Variants in ECI2 observed in about 807,000 individuals in gnomAD.
The protein encoded by ECI2 is D3,D2-enoyl-CoA isomerase.
ECI2 carries 27 observed loss-of-function variants against 38.4 expected under a neutral mutation model. The ratio of observed to expected loss-of-function variants is 0.70; its 90% CI spans 0.52 to 0.97. The LOEUF is 0.97. Among genes scored for constraint, ECI2 ranks in the 50% least tolerant of loss-of-function variants. The pLI is 0.00. For synonymous variants in ECI2, 168 were observed against 172.0 expected (o/e 0.98, Z 0.18); for missense variants, 470 against 474.4 (o/e 0.99, Z 0.09).
Position 4,126,115 on chromosome 6 carries a change from C to A in ECI2, c.674+20G>T. 2 of 1,602,672 alleles carry A rather than the reference C, an allele frequency of 1.2e-6. No homozygotes were observed. Among genetic ancestry groups the A allele is most frequent in the Non-Finnish European group, 1.7e-6 (2 of 1,171,456 alleles). On this transcript the variant is annotated intron_variant, in intron 6 of 9. Transcript: ENST00000380118. Reference sequence around the variant, plus strand: ...TAAGAACGGGCCCTCTGGGATCAGACAAAGGTCAGTAACTCTTACCTCAGT... The same window carrying A: ...TAAGAACGGGCCCTCTGGGATCAGAAAAAGGTCAGTAACTCTTACCTCAGT...
chr6:4,130,611 T>C, intron 3 of ECI2, 51 bp from the exon 4 acceptor site: 3 of 1,613,534 alleles, frequency 1.9e-6, no homozygotes, highest in East Asian at 2.2e-5. Flanking sequence ...GAATAAGCAC[T>C]TTGAGAAAGT....
At chr6:4,123,576 G>T (rs2113982893) in intron 7 of ECI2, among the ~76,000 whole-genome samples, 2 of 149,682 alleles carry the variant, frequency 1.3e-5, no homozygotes, top group African/African-American at 4.9e-5. Context: ...AATATATATA[G>T]AATAGATATG....
chr6:4,119,319 ATTT>A (rs34320283), intron 7 of ECI2, 44 bp from the exon 8 acceptor site: 41,174 of 1,157,492 alleles, frequency 0.036, 2 homozygotes, highest in East Asian at 0.041. Context: ...TTCATGTGTG[ATTT>A]TTTTTTTTTT....
chr6:4,130,991 T>G, intron 2 of ECI2, 126 bp from the exon 3 acceptor site: 1 of 822,520 alleles, frequency 1.2e-6, no homozygotes, highest in South Asian at 2.1e-5. Flanking sequence ...GTATGTAAAT[T>G]GATCTGAATT....
At chr6:4,127,726 A>G (rs1247546123) in intron 5 of ECI2, 36 bp downstream of exon 5, 4 of 1,598,824 alleles carry the variant, frequency 2.5e-6, no homozygotes, top group East Asian at 2.2e-5. Flanking sequence ...CCCTCAAAAT[A>G]GAAATTTAAT....
In ECI2 at chr6:4,126,178, CA is replaced by C. The variant is rs750276881; in HGVS notation, c.630del (p.Gly211ValfsTer3). On this transcript the variant is annotated frameshift_variant, in exon 6 of 10. Transcript: ENST00000380118. LOFTEE classifies it high-confidence loss of function. ...TTTTTAGCTTTCTCCTCTACTCCAC[CA>C]GGGGGAATATCAGTGAAGTTAGTCA... Reference protein sequence around the residue: ...NDLTNFTDIPPGGVEEKAKNN... With the variant: ...NDLTNFTDIPXGGVEEKAKNN... 1.8e-5 allele frequency: 29 copies of C among 1,613,830 alleles called. No homozygotes were observed. The East Asian group carries it at 5.3e-4, about 30-fold the overall frequency.
intron 2 of ECI2, among the ~76,000 whole-genome samples, chr6:4,132,071 C>T (rs967333479): frequency 6.6e-6 from 1 of 152,060 alleles, no homozygotes; most frequent in African/African-American, 2.4e-5. Context: ...CCAGGACCAC[C>T]CTCAAGTGCA....
chr6:4,125,206 T>G (rs756881420), intron 7 of ECI2, 44 bp downstream of exon 7: 12 of 1,607,048 alleles, frequency 7.5e-6, no homozygotes, highest in Non-Finnish European at 1.0e-5. Flanking sequence ...GGCTCTCATC[T>G]CGCGCTGCTT....
At position 4,126,179 on chromosome 6, in the gene ECI2, A is replaced by G. The variant is rs1561655256; in HGVS notation, c.630T>C (p.Pro210=). ...NDLTNFTDIP[P]GGVEEKAKNN... is the part of the protein sequence containing the mutation. ...TTTTAGCTTTCTCCTCTACTCCACC[A>G]GGGGGAATATCAGTGAAGTTAGTCA... is the stretch of plus-strand genomic sequence containing the variant. Residue 210 remains proline, a synonymous_variant, in exon 6 of 10, where the codon CCT becomes CCC. Coordinates refer to ENST00000380118, the MANE Select transcript of ECI2 (RefSeq NM_206836.3). 6.2e-7 allele frequency: 1 copy of G among 1,613,928 alleles called. No individual in the cohort carries two copies. Among genetic ancestry groups the G allele is most frequent in the Admixed American group, 1.7e-5 (1 of 60,014 alleles).
At chr6:4,128,800 T>C (rs1581989598) in intron 4 of ECI2, among the ~76,000 whole-genome samples, 1 of 152,210 alleles carries the variant, frequency 6.6e-6, no homozygotes, top group African/African-American at 2.4e-5. Context: ...ATAGAGGTTA[T>C]ATGCAAATAT....
At chr6:4,130,228 G>C (rs754820976) in intron 4 of ECI2, 144 bp downstream of exon 4, 1 of 1,612,292 alleles carries the variant, frequency 6.2e-7, no homozygotes, top group East Asian at 2.2e-5. Context: ...GTTGTATGAA[G>C]TAGCCACAAT....
intron 7 of ECI2, among the ~76,000 whole-genome samples, chr6:4,121,570 A>G (rs1300141223): frequency 6.6e-6 from 1 of 152,096 alleles, no homozygotes; most frequent in East Asian, 1.9e-4. Flanking sequence ...CTTTTGTTAC[A>G]TGAGTTGAAA....
chr6:4,134,669 T>G (rs1773644990), intron 1 of ECI2, among the ~76,000 whole-genome samples: 1 of 152,206 alleles, frequency 6.6e-6, no homozygotes, highest in Admixed American at 6.5e-5. Flanking sequence ...AGTAACTGAT[T>G]CAGTAAGATC....
rs1773062129 is a variant in ECI2, at chr6:4,125,185, G to A, written c.795+65C>T. The A allele has an allele frequency of 3.1e-6, 5 of 1,589,444 alleles. 1 individual carries two copies. The highest frequency in any genetic ancestry group is 3.4e-6 in the Non-Finnish European group (4 of 1,165,036). On this transcript the variant is annotated intron_variant, in intron 7 of 9. Coordinates refer to ENST00000380118, the MANE Select transcript of ECI2 (RefSeq NM_206836.3). ...CTGCTTATGACTGGCAACGCTGAAG[G>A]AGGATTCAAAGGCTCTCATCTCGCG...
At chr6:4,126,336 T>C (rs549952242) in intron 5 of ECI2, 99 bp from the exon 6 acceptor site, 182 of 996,716 alleles carry the variant, frequency 1.8e-4, no homozygotes, top group Non-Finnish European at 2.5e-4. Flanking sequence ...GGGAAATACA[T>C]TGGAGAACGA....
chr6:4,125,171 T>C (rs1773060624), intron 7 of ECI2, 79 bp downstream of exon 7: 4 of 1,575,052 alleles, frequency 2.5e-6, no homozygotes, highest in Non-Finnish European at 3.5e-6. Context: ...TGCTTATGAC[T>C]GGCAACGCTG....
chr6:4,122,222 T>C (rs1210012114), intron 7 of ECI2, among the ~76,000 whole-genome samples: 4 of 142,340 alleles, frequency 2.8e-5, no homozygotes, highest in African/African-American at 1.0e-4. Context: ...AATCCTTCTT[T>C]GCTTTTTTTT....
chr6:4,134,580 A>T (rs1001085844), intron 1 of ECI2, among the ~76,000 whole-genome samples: 2 of 152,216 alleles, frequency 1.3e-5, no homozygotes, highest in Admixed American at 1.3e-4. Flanking sequence ...CAGGTTACAA[A>T]GCCCAAACCT....
At chr6:4,135,101 C>T (rs901491633) in intron 1 of ECI2, 6 of 478,528 alleles carry the variant, frequency 1.3e-5, no homozygotes, top group Non-Finnish European at 2.5e-5. Flanking sequence ...CGAGTGATAA[C>T]GGCTTGCGTT....
Sources: allele counts gnomAD v4.1 joint callset (sites outside exome capture counted in the v4.1 genomes callset), GRCh38; gene constraint gnomAD v4.1.1; transcripts MANE v1.5; gene names NCBI Gene and HGNC (gene_info 2026-07-23, HGNC 2026-07-21).